The following PDGFRL variants were observed in gnomAD, a reference collection of about 807,000 sequenced individuals.
PDGFRL encodes the protein platelet-derived growth factor receptor-like protein.
Under a neutral mutation model 37.2 loss-of-function variants are expected in PDGFRL, and 46 were observed. The observed-to-expected ratio is 1.24, with a 90% CI of 0.98 to 1.58. The LOEUF (loss-of-function observed/expected upper bound fraction) is 1.58, where lower values mean the gene tolerates loss of function less well. Ranked by LOEUF, PDGFRL falls within the 40% of genes most tolerant of loss-of-function variation. PDGFRL has a pLI of 0.00. For synonymous variants in PDGFRL, 251 were observed against 184.3 expected, an observed-to-expected ratio of 1.36 and a Z score of -2.93; for missense variants, 692 against 467.6, an observed-to-expected ratio of 1.48 and a Z score of -4.43.
intron 2 of PDGFRL, among the ~76,000 whole-genome samples, chr8:17,608,623 G>A (rs892816239): frequency 1.3e-5 from 2 of 152,142 alleles, no homozygotes; most frequent in African/African-American, 4.8e-5. Flanking sequence ...TAGCATTAAC[G>A]TTTGCTTAAT....
intron 5 of PDGFRL, among the ~76,000 whole-genome samples, chr8:17,635,193 A>G (rs565265551): frequency 6.6e-6 from 1 of 152,288 alleles, no homozygotes; most frequent in Admixed American, 6.5e-5. Context: ...TGTTACGTGA[A>G]TAAGTTCCTT....
rs187546970 is a variant in PDGFRL at position 17,611,780 on chromosome 8, T to C, written c.354-9271T>C. ...AAAATGATTTTCAGGAAAGTATATC[T>C]GATACGTGATGAAAGGCATCTGAAG... On this transcript the variant is annotated intron_variant, in intron 2 of 5. Coordinates refer to ENST00000251630, the MANE Select transcript of PDGFRL (RefSeq NM_001372073.1). Among the ~76,000 whole-genome samples, 6 of 152,322 alleles carry C rather than the reference T, an allele frequency of 3.9e-5. No homozygotes were observed. In the East Asian group the frequency reaches 1.2e-3, roughly 29 times the overall value.
intron 2 of PDGFRL, among the ~76,000 whole-genome samples, chr8:17,620,377 G>T (rs1196927466): frequency 1.3e-5 from 2 of 152,162 alleles, no homozygotes; most frequent in Non-Finnish European, 2.9e-5. Flanking sequence ...AGTTTTTAGT[G>T]ATAGATTTTG....
chr8:17,592,552 C>G (rs574717849), intron 2 of PDGFRL, among the ~76,000 whole-genome samples: 3 of 152,200 alleles, frequency 2.0e-5, no homozygotes, highest in Non-Finnish European at 2.9e-5. Flanking sequence ...CACCTCTAAT[C>G]TCGATCAGAC....
intron 3 of PDGFRL, among the ~76,000 whole-genome samples, chr8:17,627,170 C>T (rs1373336629): frequency 6.6e-6 from 1 of 152,156 alleles, no homozygotes; most frequent in African/African-American, 2.4e-5. Context: ...ATTTCTCCAC[C>T]CACAAGCAGC....
intron 1 of PDGFRL, among the ~76,000 whole-genome samples, chr8:17,577,742 G>A (rs192960098): frequency 2.0e-5 from 3 of 151,626 alleles, no homozygotes; most frequent in African/African-American, 7.3e-5. Context: ...CGCTGATTCG[G>A]TTGCAGAGTT....
chr8:17,616,627 G>C (rs1288682242), intron 2 of PDGFRL, among the ~76,000 whole-genome samples: 2 of 152,028 alleles, frequency 1.3e-5, no homozygotes, highest in Non-Finnish European at 2.9e-5. Context: ...GCATGCCCTC[G>C]ATTTGCGCAT....
chr8:17,628,724 C>G lies in PDGFRL; in HGVS notation c.743C>G (p.Ala248Gly). 6 of 1,613,958 alleles carry G rather than the reference C, an allele frequency of 3.7e-6. No individual in the cohort carries two copies. Among genetic ancestry groups the G allele is most frequent in the Non-Finnish European group, 5.1e-6 (6 of 1,179,848 alleles). Residue 248 changes from alanine (A) to glycine (G), a missense_variant, in exon 4 of 6, where the codon GCG becomes GGG. Coordinates refer to ENST00000251630, the MANE Select transcript of PDGFRL (RefSeq NM_001372073.1). ...CACCAGGGTGTGGTTTACTGCAGGGCGGAGGCCGGGGGCAGATCTCAGATC... is the reference window on the plus strand; with the variant it reads ...CACCAGGGTGTGGTTTACTGCAGGGGGGAGGCCGGGGGCAGATCTCAGATC... ...SEHQGVVYCR[A>G]EAGGRSQISV...
At chr8:17,626,662 G>T (rs1374809331) in intron 3 of PDGFRL, among the ~76,000 whole-genome samples, 1 of 152,140 alleles carries the variant, frequency 6.6e-6, no homozygotes, top group Non-Finnish European at 1.5e-5. Flanking sequence ...TAGCTCTGAA[G>T]ATTTCTCTTT....
intron 2 of PDGFRL, among the ~76,000 whole-genome samples, chr8:17,602,376 G>C (rs976328852): frequency 6.6e-6 from 1 of 152,122 alleles, no homozygotes; most frequent in Non-Finnish European, 1.5e-5. Flanking sequence ...GAGGCAGAGC[G>C]GCTGCCCCAC....
At position 17,642,662 on chromosome 8, in the gene PDGFRL, G is replaced by T; in HGVS notation, c.989G>T (p.Gly330Val). Residue 330 changes from glycine (G) to valine (V), a missense_variant, in exon 6 of 6, where the codon GGA becomes GTA. Physicochemically the swap from Gly to Val is moderately radical, Grantham distance 109. Transcript: ENST00000251630. ...IQDTWRLIHR[G>V]LGHTTRISQS... The stretch of plus-strand genomic sequence containing the variant: ...GACACTTGGAGGTTGATCCACAGAG[G>T]ACTGGGACACACCACGAGAATCTCC... 6.2e-7 allele frequency: 1 copy of T among 1,609,424 alleles called. No individual in the cohort carries two copies. Among genetic ancestry groups the T allele is most frequent in the Non-Finnish European group, 8.5e-7 (1 of 1,175,652 alleles).
At position 17,591,899 on chromosome 8, in the gene PDGFRL, C is replaced by A. The variant is rs570879846; in HGVS notation, c.353+2134C>A. On this transcript the variant is annotated intron_variant, in intron 2 of 5. Transcript: ENST00000251630. ...CCACTGTGCTCCAGCCTAGCAACATCGCGATACTGTGTCTCAAAAAAGAAA... is the reference window on the plus strand; with the variant it reads ...CCACTGTGCTCCAGCCTAGCAACATAGCGATACTGTGTCTCAAAAAAGAAA... Among the ~76,000 whole-genome samples, 139 of 152,246 alleles carry A rather than the reference C, an allele frequency of 9.1e-4. 1 individual carries two copies. Among genetic ancestry groups the A allele is most frequent in the Non-Finnish European group, 1.3e-3 (86 of 68,032 alleles).
intron 5 of PDGFRL, among the ~76,000 whole-genome samples, chr8:17,639,395 G>T (rs576617260): frequency 6.6e-6 from 1 of 151,962 alleles, no homozygotes; most frequent in Non-Finnish European, 1.5e-5. Flanking sequence ...CTTTAAGAAG[G>T]TTCTATTTTG....
intron 1 of PDGFRL, among the ~76,000 whole-genome samples, chr8:17,587,945 A>T (rs1803851907): frequency 6.6e-6 from 1 of 150,834 alleles, no homozygotes; most frequent in African/African-American, 2.5e-5. Flanking sequence ...TCCCCTATTC[A>T]TTCTTGTTGA....
At chr8:17,605,724 G>A (rs1194596140) in intron 2 of PDGFRL, among the ~76,000 whole-genome samples, 1 of 152,206 alleles carries the variant, frequency 6.6e-6, no homozygotes, top group East Asian at 1.9e-4. Context: ...AATAAGCCCT[G>A]GTCCTGCTCC....
intron 2 of PDGFRL, among the ~76,000 whole-genome samples, chr8:17,603,883 A>G (rs2517184): frequency 0.94 from 143,461 of 152,184 alleles, 68,191 homozygotes; most frequent in East Asian, 1. Flanking sequence ...GGGCATAGCA[A>G]GATATAAGGA....
chr8:17,605,349 C>CT (rs2129680672), intron 2 of PDGFRL, among the ~76,000 whole-genome samples: 1 of 152,206 alleles, frequency 6.6e-6, no homozygotes, highest in South Asian at 2.1e-4. Context: ...GGACCTCATG[C>CT]TTTTTTGCAA....
At chr8:17,580,467 T>C (rs1304590047) in intron 1 of PDGFRL, among the ~76,000 whole-genome samples, 1 of 151,932 alleles carries the variant, frequency 6.6e-6, no homozygotes, top group African/African-American at 2.4e-5. Flanking sequence ...CAAAACCATT[T>C]CTGATCCTTA....
chr8:17,588,867 C>T lies in PDGFRL; in HGVS notation c.56-601C>T, dbSNP rs561220257. Among the ~76,000 whole-genome samples the T allele has an allele frequency of 1.5e-3, 230 of 152,144 alleles. 1 individual carries two copies. The highest frequency in any genetic ancestry group is 5.2e-3 in the African/African-American group (216 of 41,484). On this transcript the variant is annotated intron_variant, in intron 1 of 5. Transcript: ENST00000251630. Reference sequence around the variant, plus strand: ...GTGTGACTGCTTGGAGACTATGAGACGGTGTGAACTACAGGCAGTAATATT... The same window carrying T: ...GTGTGACTGCTTGGAGACTATGAGATGGTGTGAACTACAGGCAGTAATATT...
Sources: gnomAD v4.1 joint callset for allele counts (sites outside exome capture counted in the v4.1 genomes callset) on GRCh38, gnomAD v4.1.1 for gene constraint, MANE v1.5 for transcripts, NCBI Gene and HGNC (gene_info 2026-07-23, HGNC 2026-07-21) for gene names.